The following GRIK4 variants were observed in gnomAD, a reference collection of about 807,000 sequenced individuals.
GRIK4 encodes glutamate receptor ionotropic, kainate 4.
Under a neutral mutation model 104.9 loss-of-function variants are expected in GRIK4, and 40 were observed. That is an observed-to-expected ratio of 0.38 (90% CI 0.30 to 0.50). GRIK4 has a LOEUF of 0.50. Among genes scored for constraint, GRIK4 ranks in the 20% least tolerant of loss-of-function variants. The pLI is 0.93. For synonymous variants in GRIK4, 485 were observed against 524.9 expected (o/e 0.92, Z 1.04); for missense variants, 1,047 against 1,308.1 (o/e 0.80, Z 3.08).
At position 120,889,588 on chromosome 11, in the gene GRIK4, C is replaced by CTTTTTTTTTTTTTTTTTTTTTTTTTT; in HGVS notation, c.1165-8944_1165-8943insTTTTTTTTTTTTTTTTTTTTTTTTTT. ...AATAGAATAAAATAGAAAGAGCTTA[C>CTTTTTTTTTTTTTTTTTTTTTTTTTT]ATTTTTTTTTTTTTTTTTTTTTTTT... On this transcript the variant is annotated intron_variant, in intron 11 of 20. Coordinates refer to ENST00000527524, the MANE Select transcript of GRIK4 (RefSeq NM_014619.5). Among the ~76,000 whole-genome samples, 4 of 67,146 alleles carry CTTTTTTTTTTTTTTTTTTTTTTTTTT rather than the reference C, an allele frequency of 6.0e-5. 1 individual carries two copies. In the East Asian group the frequency reaches 1.7e-3, roughly 29 times the overall value. The allele number at this position is 67,146 out of a possible 152,430, so 44.1% of individuals were successfully genotyped here. A position where few individuals can be genotyped will look rare whatever the true frequency, so the allele number is the denominator to read the frequency against.
intron 1 of GRIK4, among the ~76,000 whole-genome samples, chr11:120,553,690 A>G (rs1305449978): frequency 5.3e-5 from 8 of 152,148 alleles, no homozygotes; most frequent in East Asian, 1.9e-4. Context: ...AGAGAGCCCT[A>G]TGGGCCTGGG....
intron 8 of GRIK4, among the ~76,000 whole-genome samples, chr11:120,846,860 C>A (rs886649816): frequency 6.6e-6 from 1 of 152,112 alleles, no homozygotes; most frequent in African/African-American, 2.4e-5. Context: ...CAGATGAAAT[C>A]GGCCACCCTC....
intron 4 of GRIK4, among the ~76,000 whole-genome samples, chr11:120,813,102 G>A (rs558420372): frequency 9.2e-5 from 14 of 152,292 alleles, no homozygotes; most frequent in African/African-American, 3.1e-4. Context: ...GGTGGGCGGG[G>A]GGACCTCCAC....
intron 11 of GRIK4, among the ~76,000 whole-genome samples, chr11:120,890,117 G>A (rs151219807): frequency 2.8e-4 from 43 of 152,274 alleles, no homozygotes; most frequent in African/African-American, 8.9e-4. Context: ...CAATGGTACC[G>A]TTAAATGGTA....
At chr11:120,800,768 A>G (rs61512619) in intron 3 of GRIK4, among the ~76,000 whole-genome samples, 3,843 of 152,336 alleles carry the variant, frequency 0.025, 163 homozygotes, top group African/African-American at 0.085. Flanking sequence ...GATGGATTAC[A>G]GTGAGTGTGG....
intron 1 of GRIK4, among the ~76,000 whole-genome samples, chr11:120,589,235 C>T (rs1434884172): frequency 6.6e-6 from 1 of 152,182 alleles, no homozygotes; most frequent in East Asian, 1.9e-4. Flanking sequence ...CACTCATGCT[C>T]ACACTGCTGG....
chr11:120,872,130 C>A (rs1393503205), intron 9 of GRIK4: 2 of 338,452 alleles, frequency 5.9e-6, no homozygotes, highest in African/African-American at 4.3e-5. Context: ...CCCCTGCCCT[C>A]AGGAATGCTG....
chr11:120,982,688 C>A (rs889274881), intron 20 of GRIK4, among the ~76,000 whole-genome samples: 4 of 152,206 alleles, frequency 2.6e-5, no homozygotes, highest in Non-Finnish European at 5.9e-5. Flanking sequence ...TGCCACTCTT[C>A]TTCCAACCCA....
intron 3 of GRIK4, among the ~76,000 whole-genome samples, chr11:120,788,417 AAGG>A (rs1218874140): frequency 6.6e-6 from 1 of 152,178 alleles, no homozygotes; most frequent in Non-Finnish European, 1.5e-5. Flanking sequence ...CATCCAGGGC[AAGG>A]AGATGAACTG....
rs549852552 is a variant in GRIK4 at position 120,853,824 on chromosome 11, C to T, written c.745-8135C>T. Among the ~76,000 whole-genome samples, 2 of 152,332 alleles carry T rather than the reference C, an allele frequency of 1.3e-5. 1 individual carries two copies. Among genetic ancestry groups the T allele is most frequent in the South Asian group, 4.1e-4 (2 of 4,822 alleles). Reference sequence around the variant, plus strand: ...CTGGGGTGAGAACATTTGAAGTTGTCAATCATTAACAATCACAGTGATGGA... The same window carrying T: ...CTGGGGTGAGAACATTTGAAGTTGTTAATCATTAACAATCACAGTGATGGA... On this transcript the variant is annotated intron_variant, in intron 8 of 20. Transcript: ENST00000527524.
chr11:120,833,732 A>G (rs1417469112), intron 7 of GRIK4, among the ~76,000 whole-genome samples: 4 of 152,160 alleles, frequency 2.6e-5, no homozygotes, highest in Non-Finnish European at 4.4e-5. Context: ...ATTATTCACA[A>G]TCCTATCACC....
chr11:120,587,289 C>T (rs574632062), intron 1 of GRIK4, among the ~76,000 whole-genome samples: 3 of 152,012 alleles, frequency 2.0e-5, no homozygotes, highest in Non-Finnish European at 2.9e-5. Flanking sequence ...GGGAAGGCAC[C>T]GCGGCCAGTG....
rs115805184 is a variant in GRIK4 at position 120,952,039 on chromosome 11, G to A, written c.1591-816G>A. 7.1e-4 allele frequency among the ~76,000 whole-genome samples: 108 copies of A among 152,322 alleles called. No homozygotes were observed. The highest frequency in any genetic ancestry group is 2.5e-3 in the African/African-American group (103 of 41,562). On this transcript the variant is annotated intron_variant, in intron 14 of 20. Transcript: ENST00000527524. This position sits in a 1 kb window ranked among gnomAD's most constrained non-coding sequence, Gnocchi z 5.2. ...ACACGGCTAAAGACTTGGAGCAGAT[G>A]ACTTAACTCCATCCTTCTCATTCCA...
intron 13 of GRIK4, chr11:120,936,387 T>C: frequency 2.6e-6 from 1 of 391,428 alleles, no homozygotes; most frequent in Non-Finnish European, 4.9e-6. Flanking sequence ...TGCATTAGGA[T>C]CTTTTAACTT....
intron 3 of GRIK4, among the ~76,000 whole-genome samples, chr11:120,744,878 G>A (rs1401773904): frequency 6.6e-6 from 1 of 152,110 alleles, no homozygotes; most frequent in Non-Finnish European, 1.5e-5. Context: ...CAAAATGTGA[G>A]GTTTCAAGGT....
chr11:120,980,960 C>T (rs535554167), intron 19 of GRIK4, among the ~76,000 whole-genome samples: 2 of 152,252 alleles, frequency 1.3e-5, no homozygotes, highest in East Asian at 1.9e-4. Context: ...AAGGTAGCGT[C>T]GATTTCTGAT....
At chr11:120,732,472 T>C (rs961410105) in intron 3 of GRIK4, among the ~76,000 whole-genome samples, 1 of 152,210 alleles carries the variant, frequency 6.6e-6, no homozygotes, top group Admixed American at 6.5e-5. Context: ...GGTTATTTAT[T>C]TGAAATTGTT....
At chr11:120,551,653 C>T (rs1198033241) in intron 1 of GRIK4, among the ~76,000 whole-genome samples, 5 of 151,922 alleles carry the variant, frequency 3.3e-5, no homozygotes, top group South Asian at 2.1e-4. Context: ...TGGTGGTGGG[C>T]GCCTTTAGTC....
At chr11:120,545,399 T>C (rs1307779088) in intron 1 of GRIK4, among the ~76,000 whole-genome samples, 1 of 152,168 alleles carries the variant, frequency 6.6e-6, no homozygotes, top group Non-Finnish European at 1.5e-5. Flanking sequence ...GTGAGGCAAA[T>C]GTAAGAGGGT....
Sources: gnomAD v4.1 joint callset for allele counts (sites outside exome capture counted in the v4.1 genomes callset) on GRCh38, gnomAD v4.1.1 for gene constraint, Gnocchi (gnomAD v3.1) non-coding constraint, MANE v1.5 for transcripts, NCBI Gene and HGNC (gene_info 2026-07-23, HGNC 2026-07-21) for gene names.